The following SDR42E2 variants were observed in gnomAD, a reference collection of about 807,000 sequenced individuals.
SDR42E2 encodes the protein short chain dehydrogenase/reductase family 42E, member 2.
Under a neutral mutation model 10.5 loss-of-function variants are expected in SDR42E2, and 20 were observed. The observed-to-expected ratio is 1.90, with a 90% CI of 1.34 to 2.77. SDR42E2 has a LOEUF of 2.77. Ranked by LOEUF, SDR42E2 falls within the 30% of genes most tolerant of loss-of-function variation. SDR42E2 has a pLI of 0.00. For synonymous variants in SDR42E2, 72 were observed against 39.2 expected (o/e 1.84, Z -3.12); for missense variants, 162 against 104.2 (o/e 1.55, Z -2.42).
At chr16:22,176,778 T>C (rs1381518952) in intron 7 of SDR42E2, among the ~76,000 whole-genome samples, 1 of 152,202 alleles carries the variant, frequency 6.6e-6, no homozygotes, top group Non-Finnish European at 1.5e-5. Flanking sequence ...CCCTTCAGAC[T>C]GTAACCCCAG....
chr16:22,186,739 T>C lies in SDR42E2; in HGVS notation c.959T>C (p.Leu320Pro), dbSNP rs1037394316. The C allele has an allele frequency of 5.0e-6, 2 of 400,830 alleles. No individual in the cohort carries two copies. Among genetic ancestry groups the C allele is most frequent in the Admixed American group, 4.4e-5 (1 of 22,694 alleles). The allele number at this position is 400,830 out of a possible 1,614,324, so 24.8% of individuals were successfully genotyped here. ...CCTGCAGCAGCAGTTATGGAGCGCCTCCATCTGGCCCTGAGACCCATCTGC... is the reference window on the plus strand; with the variant it reads ...CCTGCAGCAGCAGTTATGGAGCGCCCCCATCTGGCCCTGAGACCCATCTGC... The part of the protein sequence containing the change: ...VYLTAAVMER[L>P]HLALRPICSL... Residue 320 changes from leucine to proline, a missense_variant, in exon 12 of 13, where the codon CTC becomes CCC. Leu to Pro is a moderately conservative substitution (Grantham distance 98, BLOSUM62 -3). Coordinates refer to ENST00000602312, the MANE Select transcript of SDR42E2 (RefSeq NM_001394319.2).
intron 8 of SDR42E2, among the ~76,000 whole-genome samples, chr16:22,178,859 G>A (rs1443748228): frequency 6.6e-6 from 1 of 152,222 alleles, no homozygotes; most frequent in African/African-American, 2.4e-5. Flanking sequence ...AAGTGAGAAA[G>A]GTCATGATTG....
chr16:22,174,303 A>G (rs2046626613), intron 7 of SDR42E2, among the ~76,000 whole-genome samples: 2 of 152,062 alleles, frequency 1.3e-5, no homozygotes, highest in Admixed American at 1.3e-4. Flanking sequence ...ACTACACTCC[A>G]GCCTGGGAGA....
rs1193833857 is a variant in SDR42E2, at chr16:22,190,461, C to T, written c.*68C>T. The T allele has an allele frequency of 2.5e-6, 1 of 400,612 alleles. No homozygotes were observed. Among genetic ancestry groups the T allele is most frequent in the Non-Finnish European group, 4.4e-6 (1 of 226,888 alleles). 24.8% of individuals were successfully genotyped at this position (400,612 alleles called of 1,614,324 possible). Reference sequence around the variant, plus strand: ...CCTCGCCCACGCCCGGCTCCCTGGGCTTGTACCAGCCCCTGCCCCGCCTTC... The same window carrying T: ...CCTCGCCCACGCCCGGCTCCCTGGGTTTGTACCAGCCCCTGCCCCGCCTTC... On this transcript the variant is annotated 3_prime_UTR_variant, in exon 13 of 13. Transcript: ENST00000602312.
intron 12 of SDR42E2, among the ~76,000 whole-genome samples, chr16:22,188,719 G>A (rs908311691): frequency 5.9e-5 from 9 of 152,154 alleles, no homozygotes; most frequent in African/African-American, 1.7e-4. Context: ...TCAGCTCAGG[G>A]GCAATGTCCT....
At chr16:22,165,112 G>C (rs1166364794) in intron 1 of SDR42E2, among the ~76,000 whole-genome samples, 1 of 152,156 alleles carries the variant, frequency 6.6e-6, no homozygotes, top group Non-Finnish European at 1.5e-5. Flanking sequence ...TTTTGAGACT[G>C]AGTCTCATTC....
chr16:22,183,720 G>T (rs2046714632), intron 10 of SDR42E2, among the ~76,000 whole-genome samples: 3 of 152,170 alleles, frequency 2.0e-5, no homozygotes, highest in Non-Finnish European at 4.4e-5. Context: ...GGAAAAATCA[G>T]ATTCTACATA....
rs781177197 is a variant in SDR42E2, at chr16:22,172,326, T to A, written c.584T>A (p.Leu195His). Reference sequence around the variant, plus strand: ...ACCCTCATGGCCAATGGGATGCCTCTCCCAGGTGAGTATCATGGGGCTCTG... The same window carrying A: ...ACCCTCATGGCCAATGGGATGCCTCACCCAGGTGAGTATCATGGGGCTCTG... Reference protein sequence around the residue: ...QLTLMANGMPLPGGGTLRTCV... With the variant: ...QLTLMANGMPHPGGGTLRTCV... Residue 195 changes from leucine (L) to histidine (H), a missense_variant, in exon 7 of 13, where the codon CTC becomes CAC. By Grantham distance (99) the Leu-to-His change is moderately conservative (BLOSUM62 -3). Coordinates refer to ENST00000602312, the MANE Select transcript of SDR42E2 (RefSeq NM_001394319.2). 14 of 703,300 alleles carry A rather than the reference T, an allele frequency of 2.0e-5. No homozygotes were observed. Among genetic ancestry groups the A allele is most frequent in the Non-Finnish European group, 2.9e-5 (11 of 385,016 alleles). 43.6% of individuals were successfully genotyped at this position (703,300 alleles called of 1,614,324 possible).
chr16:22,169,627 A>C (rs1271179311), intron 5 of SDR42E2, 125 bp downstream of exon 5: 6 of 683,916 alleles, frequency 8.8e-6, no homozygotes, highest in Non-Finnish European at 1.6e-5. Flanking sequence ...TCCTTCGTGC[A>C]CTGCAGACCT....
intron 7 of SDR42E2, among the ~76,000 whole-genome samples, chr16:22,177,045 C>T (rs1257684183): frequency 2.0e-5 from 3 of 152,204 alleles, no homozygotes; most frequent in African/African-American, 7.2e-5. Flanking sequence ...TCACTGTTTG[C>T]CTTACTGCTG....
chr16:22,167,165 A>ATTTTTTT (rs534502295), intron 4 of SDR42E2, among the ~76,000 whole-genome samples, 166 bp downstream of exon 4: 1 of 37,722 alleles, frequency 2.7e-5, no homozygotes, highest in Non-Finnish European at 4.3e-5. Context: ...CAGTTCTGCC[A>ATTTTTTT]TTTTTTTTTT....
In SDR42E2 at chr16:22,181,628, C is replaced by T. The variant is rs1455840075; in HGVS notation, c.782C>T (p.Ala261Val). The change falls in exon 9 of 13, where the codon GCC becomes GTC. Residue 261 changes from alanine (A) to valine (V), a missense_variant. Transcript: ENST00000602312. The part of the protein sequence containing the change: ...LVQAHVLAAE[A>V]LTTAKGYVAS... ...CAGGCACACGTGCTGGCGGCCGAGG[C>T]CCTCACCACGGCCAAGGGCTACGTG... The T allele has an allele frequency of 1.4e-6, 1 of 702,852 alleles. No homozygotes were observed. The highest frequency in any genetic ancestry group is 1.5e-5 in the South Asian group (1 of 67,594). 43.5% of individuals were successfully genotyped at this position (702,852 alleles called of 1,614,324 possible).
chr16:22,174,224 T>G (rs1271652173), intron 7 of SDR42E2, among the ~76,000 whole-genome samples: 1 of 151,824 alleles, frequency 6.6e-6, no homozygotes, highest in Non-Finnish European at 1.5e-5. Context: ...TCCCAGCTAC[T>G]CAGGAGGCTG....
intron 8 of SDR42E2, among the ~76,000 whole-genome samples, chr16:22,180,061 C>T (rs535920284): frequency 3.3e-5 from 5 of 151,854 alleles, no homozygotes; most frequent in Admixed American, 6.6e-5. Flanking sequence ...AGCAAAGGGG[C>T]GGTGCAGCTG....
intron 11 of SDR42E2, among the ~76,000 whole-genome samples, chr16:22,186,363 C>T (rs536449239): frequency 5.6e-4 from 85 of 152,232 alleles, no homozygotes; most frequent in Admixed American, 2.7e-3. Context: ...TGTGCCACCA[C>T]GCCCGGCTAA....
chr16:22,180,314 C>A (rs1338509191), intron 8 of SDR42E2, among the ~76,000 whole-genome samples: 1 of 152,030 alleles, frequency 6.6e-6, no homozygotes, highest in Non-Finnish European at 1.5e-5. Flanking sequence ...ATGGGAAGAT[C>A]CCTTGAGCCC....
intron 7 of SDR42E2, among the ~76,000 whole-genome samples, chr16:22,177,526 G>T (rs923946295): frequency 4.6e-5 from 7 of 152,110 alleles, no homozygotes; most frequent in Non-Finnish European, 1.0e-4. Flanking sequence ...TACTTGGGAG[G>T]CTAAGGCAGG....
At chr16:22,182,786 G>A (rs1477258611) in intron 10 of SDR42E2, among the ~76,000 whole-genome samples, 1 of 152,158 alleles carries the variant, frequency 6.6e-6, no homozygotes, top group East Asian at 1.9e-4. Context: ...GATCGCTTGA[G>A]GCCAGGAGTT....
chr16:22,165,788 CT>C (rs2046530105), intron 2 of SDR42E2, among the ~76,000 whole-genome samples, 151 bp downstream of exon 2: 1 of 152,226 alleles, frequency 6.6e-6, no homozygotes, highest in Non-Finnish European at 1.5e-5. Context: ...CAGGCGGGTT[CT>C]GGTACTGTTC....
Sources: allele counts gnomAD v4.1 joint callset (sites outside exome capture counted in the v4.1 genomes callset), GRCh38; gene constraint gnomAD v4.1.1; transcripts MANE v1.5; gene names NCBI Gene and HGNC (gene_info 2026-07-23, HGNC 2026-07-21).